Variants in CENPF observed in about 807,000 individuals in gnomAD.
The protein encoded by CENPF is AH antigen.
A neutral mutation model predicts 307.3 loss-of-function variants in CENPF; 214 were observed. The ratio of observed to expected loss-of-function variants is 0.70; its 90% CI spans 0.62 to 0.78. The LOEUF (loss-of-function observed/expected upper bound fraction) is 0.78. Among genes scored for constraint, CENPF ranks in the 30% least tolerant of loss-of-function variants. The pLI is 0.00. For synonymous variants in CENPF, 1,259 were observed against 1,270.6 expected (o/e 0.99, Z 0.19); for missense variants, 3,401 against 3,483.9 (o/e 0.98, Z 0.60).
chr1:214,641,689 C>T lies in CENPF; in HGVS notation c.3351C>T (p.Asn1117=). 6.3e-7 allele frequency: 1 copy of T among 1,579,156 alleles called. No homozygotes were observed. ...QQALRSEMTD[N]QNNSKSEAGG... ...CTCTGAGATCTGAGATGACAGATAACCAAAACAATTCTAAGAGCGAGGCTG... is the reference window on the plus strand; with the variant it reads ...CTCTGAGATCTGAGATGACAGATAATCAAAACAATTCTAAGAGCGAGGCTG... Residue 1117 remains asparagine, a synonymous_variant, in exon 12 of 20, where the codon AAC becomes AAT. Transcript: ENST00000366955.
chr1:214,658,848 A>G lies in CENPF; in HGVS notation c.8963-2A>G. 1 of 1,612,684 alleles carries G rather than the reference A, an allele frequency of 6.2e-7. No individual in the cohort carries two copies. Among genetic ancestry groups the G allele is most frequent in the Non-Finnish European group, 8.5e-7 (1 of 1,179,518 alleles). ...GCTGACAGTTATTTTTTTTGCCCTT[A>G]GGGTTTGCTGACATCCCGACAGGAA... On this transcript the variant is annotated splice_acceptor_variant, in intron 18 of 19. Coordinates refer to ENST00000366955, the MANE Select transcript of CENPF (RefSeq NM_016343.4). LOFTEE classifies it high-confidence loss of function.
Position 214,651,694 on chromosome 1 carries a change from T to A in CENPF, c.7984-16T>A. On this transcript the variant is annotated splice_polypyrimidine_tract_variant and intron_variant, in intron 14 of 19. Coordinates refer to ENST00000366955, the MANE Select transcript of CENPF (RefSeq NM_016343.4). ...ATGAGGAGGTGCTATTATGATTTTA[T>A]TATTTTTCTGTTTAGGATCAATTGA... 6.5e-7 allele frequency: 1 copy of A among 1,550,302 alleles called. No homozygotes were observed. The highest frequency in any genetic ancestry group is 8.7e-7 in the Non-Finnish European group (1 of 1,151,268).
chr1:214,605,969 G>C (rs987025884), intron 1 of CENPF: 13 of 1,597,284 alleles, frequency 8.1e-6, no homozygotes, highest in Non-Finnish European at 1.1e-5. Context: ...CGAGGTGAGC[G>C]GCGAATGCAG....
At chr1:214,603,747 C>T (rs946132858) in intron 1 of CENPF, 1 of 152,028 alleles carries the variant, frequency 6.6e-6, no homozygotes, top group African/African-American at 2.4e-5. Flanking sequence ...GAGTTTTGAT[C>T]TGGTTGGCGA....
At chr1:214,649,079 T>C (rs1287043917) in intron 14 of CENPF, among the ~76,000 whole-genome samples, 1 of 152,190 alleles carries the variant, frequency 6.6e-6, no homozygotes, top group African/African-American at 2.4e-5. Context: ...TACATTTTCA[T>C]GGAAGAGGAC....
intron 1 of CENPF, chr1:214,605,774 C>G: frequency 2.5e-6 from 4 of 1,593,106 alleles, no homozygotes; most frequent in Non-Finnish European, 3.4e-6. Context: ...GCCCTCCACC[C>G]ACAGCGGCTC....
At chr1:214,660,579 A>G (rs1019543515) in intron 19 of CENPF, among the ~76,000 whole-genome samples, 3 of 152,218 alleles carry the variant, frequency 2.0e-5, no homozygotes, top group Non-Finnish European at 1.5e-5. Flanking sequence ...TACTGAATAC[A>G]GGAGAAGTCA....
At chr1:214,605,066 C>G (rs116519292) in intron 1 of CENPF, among the ~76,000 whole-genome samples, 2,737 of 152,206 alleles carry the variant, frequency 0.018, 87 homozygotes, top group African/African-American at 0.061. Context: ...AACAAATTCT[C>G]AAACTCTTGC....
At chr1:214,632,259 C>T (rs1039797444) in intron 9 of CENPF, among the ~76,000 whole-genome samples, 1 of 152,106 alleles carries the variant, frequency 6.6e-6, no homozygotes, top group African/African-American at 2.4e-5. Context: ...CTCCTTGCCA[C>T]ACCCAGCCTC....
Position 214,641,295 on chromosome 1 carries a change from TAAATC to T in CENPF, c.2960_2964del (p.Asn987ArgfsTer10), listed in dbSNP as rs1658105813. The T allele has an allele frequency of 6.2e-7, 1 of 1,607,982 alleles. No homozygotes were observed. The highest frequency in any genetic ancestry group is 8.5e-7 in the Non-Finnish European group (1 of 1,178,634). ...ACTCTTAAGGAAATTAATGCATCCT[TAAATC>T]AAGAGAAGATGAACTTAATCCAGAA... On this transcript the variant is annotated frameshift_variant, in exon 12 of 20. Transcript: ENST00000366955. LOFTEE classifies it high-confidence loss of function.
intron 9 of CENPF, 36 bp from the exon 10 acceptor site, chr1:214,632,444 A>G (rs755013188): frequency 3.1e-6 from 5 of 1,600,038 alleles, no homozygotes; most frequent in Non-Finnish European, 4.3e-6. Flanking sequence ...AGTAAAGAAC[A>G]TGAAAATGAA....
intron 7 of CENPF, among the ~76,000 whole-genome samples, chr1:214,627,526 A>G (rs1657689655): frequency 6.6e-6 from 1 of 151,920 alleles, no homozygotes; most frequent in Non-Finnish European, 1.5e-5. Flanking sequence ...GGCGCATGCC[A>G]CCATGCCCAG....
At chr1:214,617,757 TCTCACGATTTG>T (rs1255784611) in intron 3 of CENPF, among the ~76,000 whole-genome samples, 1 of 152,234 alleles carries the variant, frequency 6.6e-6, no homozygotes, top group Non-Finnish European at 1.5e-5. Flanking sequence ...TGTCATCTAT[TCTCACGATTTG>T]AGCCCATGCT....
rs200477750 is a variant in CENPF, at chr1:214,641,974, A to G, written c.3636A>G (p.Gln1212=). Residue 1212 remains glutamine, a synonymous_variant, in exon 12 of 20, where the codon CAA becomes CAG. Transcript: ENST00000366955. ...ATAGTTATAATGCGCAGTTGGTGCA[A>G]TTAGAAGCTATGCTAAGAAATAAGG... The part of the protein sequence containing the change: ...SLDSYNAQLV[Q]LEAMLRNKEL... 4.4e-5 allele frequency: 71 copies of G among 1,606,260 alleles called. No individual in the cohort carries two copies. The highest frequency in any genetic ancestry group is 1.7e-4 in the Middle Eastern group (1 of 5,996).
At position 214,642,573 on chromosome 1, in the gene CENPF, T is replaced by C. The variant is rs3795517; in HGVS notation, c.4235T>C (p.Leu1412Ser). 101,076 of 1,609,504 alleles carry C rather than the reference T, an allele frequency of 0.063. 4,123 individuals are homozygous for C. The highest frequency in any genetic ancestry group is 0.14 in the South Asian group (13,060 of 90,180). Residue 1412 changes from leucine (L) to serine (S), a missense_variant, in exon 12 of 20, where the codon TTA (leucine) becomes TCA (serine). Physicochemically the swap from Leu to Ser is moderately radical, Grantham distance 145. Transcript: ENST00000366955. The stretch of plus-strand genomic sequence containing the variant: ...TTTGCCGAATTGCAAGAGAAATTCT[T>C]ATCTTTACAAAGTGAACACAAAATT... The part of the protein sequence containing the change: ...MHFAELQEKF[L>S]SLQSEHKILH...
Position 214,652,846 on chromosome 1 carries a change from A to T in CENPF, c.8179A>T (p.Thr2727Ser), listed in dbSNP as rs1658525075. ...TNKQYEVEIQ[T>S]YREKLTSKEE... ...GCTCTAGTATGAAGTAGAAATCCAGACATACCGAGAGAAATTGACTTCTAA... is the reference window on the plus strand; with the variant it reads ...GCTCTAGTATGAAGTAGAAATCCAGTCATACCGAGAGAAATTGACTTCTAA... The change falls in exon 16 of 20, where the codon ACA (threonine) becomes TCA (serine). Residue 2727 changes from threonine (T) to serine (S), a missense_variant. Thr to Ser is a moderately conservative substitution (Grantham distance 58, BLOSUM62 1). Coordinates refer to ENST00000366955, the MANE Select transcript of CENPF (RefSeq NM_016343.4). The T allele has an allele frequency of 6.3e-7, 1 of 1,592,648 alleles. No homozygotes were observed. The highest frequency in any genetic ancestry group is 1.4e-5 in the African/African-American group (1 of 73,222).
intron 18 of CENPF, 38 bp from the exon 19 acceptor site, chr1:214,658,812 G>C: frequency 6.3e-7 from 1 of 1,597,474 alleles, no homozygotes; most frequent in Admixed American, 1.7e-5. Context: ...GATAGAATTG[G>C]ACCTAGCAGT....
chr1:214,631,922 G>A lies in CENPF; in HGVS notation c.1324-558G>A, dbSNP rs114458346. Among the ~76,000 whole-genome samples the A allele has an allele frequency of 7.3e-3, 1,111 of 152,220 alleles. 18 individuals carry two copies. The highest frequency in any genetic ancestry group is 0.025 in the African/African-American group (1,039 of 41,528). The stretch of plus-strand genomic sequence containing the variant: ...ATCCTTGCTAATTGGAGGTAGTCTC[G>A]GTTTTTAAAATTGTTGCTAATCAAG... On this transcript the variant is annotated intron_variant, in intron 9 of 19. Coordinates refer to ENST00000366955, the MANE Select transcript of CENPF (RefSeq NM_016343.4).
chr1:214,663,549 G>T, intron 19 of CENPF, 42 bp from the exon 20 acceptor site: 1 of 1,583,176 alleles, frequency 6.3e-7, no homozygotes, highest in Non-Finnish European at 8.7e-7. Flanking sequence ...TTGTGGAAAT[G>T]TGAATGTGAT....
Sources: allele counts gnomAD v4.1 joint callset (sites outside exome capture counted in the v4.1 genomes callset), GRCh38; gene constraint gnomAD v4.1.1; transcripts MANE v1.5; gene names NCBI Gene and HGNC (gene_info 2026-07-23, HGNC 2026-07-21).